Variants in GLRA2 observed in about 807,000 individuals in gnomAD.
The protein encoded by GLRA2 is glycine receptor subunit alpha-2.
Under a neutral mutation model 31.6 loss-of-function variants are expected in GLRA2, and 11 were observed. The ratio of observed to expected loss-of-function variants is 0.35; its 90% CI spans 0.22 to 0.58. GLRA2 has a LOEUF of 0.58. Among genes scored for constraint, GLRA2 ranks in the 20% least tolerant of loss-of-function variants. The pLI, the probability that GLRA2 is intolerant of heterozygous loss-of-function variation, is 0.84. For missense variants in GLRA2, 212 were observed against 351.8 expected (o/e 0.60, Z 3.18); for synonymous variants, 132 against 134.0 (o/e 0.99, Z 0.10).
At position 14,730,525 on chromosome X, in the gene GLRA2, T is replaced by C. The variant is rs910485251; in HGVS notation, c.*40T>C. 1.9e-6 allele frequency: 2 copies of C among 1,039,916 alleles called. No homozygotes were observed. Among genetic ancestry groups the C allele is most frequent in the African/African-American group, 4.0e-5 (2 of 49,790 alleles). The allele number at this position is 1,039,916 out of a possible 1,213,427, so 85.7% of individuals were successfully genotyped here. On this transcript the variant is annotated 3_prime_UTR_variant, in exon 9 of 9. Coordinates refer to ENST00000218075, the MANE Select transcript of GLRA2 (RefSeq NM_002063.4). ...CCCTGGGACCTTCTTGCCTCAGTGT[T>C]GTGCTTGTAAATACACAGTGAAATT...
the GLRA2 span, among the ~76,000 whole-genome samples, chrX:14,498,353 T>C: frequency 9.0e-6 from 1 of 111,594 alleles, no homozygotes. Flanking sequence ...AAGGAAAATG[T>C]AACATTTATT....
chrX:14,644,336 A>T (rs1459911471), intron 7 of GLRA2, among the ~76,000 whole-genome samples: 1 of 112,196 alleles, frequency 8.9e-6, no homozygotes, highest in Admixed American at 9.5e-5. Flanking sequence ...CTAGTGGGAT[A>T]GTCGAATGAA....
At chrX:14,510,136 C>G in the GLRA2 span, among the ~76,000 whole-genome samples, 5 of 111,346 alleles carry the variant, frequency 4.5e-5, no homozygotes, top group Non-Finnish European at 9.4e-5. Context: ...GGGAAGAAAA[C>G]TAGGGATGGT....
Position 14,731,729 on chromosome X carries a change from A to C in GLRA2, c.*1244A>C, listed in dbSNP as rs1416726301. ...GATAAAAGACAACCTGTAAAAATAT[A>C]ATAATTAAATTTTACATGTGCTGTA... On this transcript the variant is annotated 3_prime_UTR_variant, in exon 9 of 9. Coordinates refer to ENST00000218075, the MANE Select transcript of GLRA2 (RefSeq NM_002063.4). The C allele has an allele frequency of 1.8e-5, 2 of 112,052 alleles. No homozygotes were observed. The highest frequency in any genetic ancestry group is 3.8e-5 in the Non-Finnish European group (2 of 53,217). 9.2% of individuals were successfully genotyped at this position (112,052 alleles called of 1,213,427 possible).
chrX:14,705,310 G>T (rs1318253585), intron 8 of GLRA2, among the ~76,000 whole-genome samples: 1 of 111,622 alleles, frequency 9.0e-6, no homozygotes, highest in Non-Finnish European at 1.9e-5. Context: ...TCTCAGCCAG[G>T]AGCTATTTTT....
chrX:14,711,658 A>C (rs2091711724), intron 8 of GLRA2, among the ~76,000 whole-genome samples: 1 of 112,224 alleles, frequency 8.9e-6, no homozygotes, highest in South Asian at 3.7e-4. Flanking sequence ...TTTAATGTAC[A>C]TTTCCCTGAA....
At position 14,573,786 on chromosome X, in the gene GLRA2, A is replaced by G. The variant is rs185002602; in HGVS notation, c.203-547A>G. Among the ~76,000 whole-genome samples the G allele has an allele frequency of 3.0e-3, 336 of 110,575 alleles. 2 individuals carry two copies. Among genetic ancestry groups the G allele is most frequent in the Middle Eastern group, 4.6e-3 (1 of 217 alleles). ...GTCTTAAGTTAATTTTGTTTGTTAT[A>G]TTTCTGTACATCATTTCTCATTGGT... On this transcript the variant is annotated intron_variant, in intron 2 of 8. Coordinates refer to ENST00000218075, the MANE Select transcript of GLRA2 (RefSeq NM_002063.4).
At chrX:14,710,149 G>A (rs1023090371) in intron 8 of GLRA2, among the ~76,000 whole-genome samples, 1 of 111,535 alleles carries the variant, frequency 9.0e-6, no homozygotes, top group African/African-American at 3.3e-5. Flanking sequence ...GGAAGACATC[G>A]AGGGCCAGAC....
chrX:14,594,347 G>A (rs182835124), intron 4 of GLRA2, among the ~76,000 whole-genome samples: 16 of 110,894 alleles, frequency 1.4e-4, no homozygotes, highest in African/African-American at 3.6e-4. Flanking sequence ...TCAGTGCCAC[G>A]ATTAAATAGC....
intron 7 of GLRA2, among the ~76,000 whole-genome samples, chrX:14,681,913 A>ATATATATATATATATATATATATATATG (rs1181280207): frequency 1.5e-3 from 90 of 59,676 alleles, no homozygotes; most frequent in Non-Finnish European, 2.5e-3. Flanking sequence ...AAAAAAAAAT[A>ATATATATATATATATATATATATATATG]TATATATATA....
chrX:14,610,584 C>T (rs183605385), intron 7 of GLRA2, among the ~76,000 whole-genome samples: 86 of 111,542 alleles, frequency 7.7e-4, no homozygotes, highest in African/African-American at 2.6e-3. Flanking sequence ...CACTCTGTGC[C>T]CCTCCCAAAC....
chrX:14,489,585 G>T, the GLRA2 span, among the ~76,000 whole-genome samples: 1 of 112,127 alleles, frequency 8.9e-6, no homozygotes, highest in South Asian at 3.7e-4. Flanking sequence ...GAAGAGGAGG[G>T]GCCAGGCTTC....
chrX:14,535,544 G>C (rs1347582539), intron 2 of GLRA2, among the ~76,000 whole-genome samples: 2 of 112,417 alleles, frequency 1.8e-5, no homozygotes, highest in Non-Finnish European at 3.8e-5. Context: ...ACAAAGTCAT[G>C]AGTCAGAGTT....
chrX:14,708,799 G>A (rs1396151973), intron 8 of GLRA2, among the ~76,000 whole-genome samples: 1 of 111,414 alleles, frequency 9.0e-6, no homozygotes, highest in African/African-American at 3.3e-5. Context: ...AGCCGGGCAC[G>A]GTGGCTCATG....
the GLRA2 span, among the ~76,000 whole-genome samples, chrX:14,513,617 C>T: frequency 9.0e-6 from 1 of 111,477 alleles, no homozygotes; most frequent in African/African-American, 3.3e-5. Flanking sequence ...CATGAATAGA[C>T]AATTCTCAAA....
intron 7 of GLRA2, among the ~76,000 whole-genome samples, chrX:14,621,921 C>G (rs976581976): frequency 2.7e-5 from 3 of 111,973 alleles, no homozygotes; most frequent in Non-Finnish European, 3.8e-5. Flanking sequence ...GTTCTAGATC[C>G]TTGAGGAATC....
At chrX:14,559,980 C>T (rs1193922017) in intron 2 of GLRA2, among the ~76,000 whole-genome samples, 3 of 111,590 alleles carry the variant, frequency 2.7e-5, no homozygotes, top group Admixed American at 9.5e-5. Flanking sequence ...CTTTCATGGG[C>T]ATCAAAGCAC....
At chrX:14,709,263 C>T (rs2091678301) in intron 8 of GLRA2, among the ~76,000 whole-genome samples, 1 of 111,073 alleles carries the variant, frequency 9.0e-6, no homozygotes, top group African/African-American at 3.3e-5. Context: ...GGGCTACAGA[C>T]CCCCCATCAT....
intron 8 of GLRA2, among the ~76,000 whole-genome samples, chrX:14,721,650 C>T (rs1167479580): frequency 9.0e-6 from 1 of 111,103 alleles, no homozygotes; most frequent in Admixed American, 9.6e-5. Flanking sequence ...TCGTACAGTC[C>T]CACCCTGTAT....
Sources: allele counts gnomAD v4.1 joint callset (sites outside exome capture counted in the v4.1 genomes callset), GRCh38; gene constraint gnomAD v4.1.1; transcripts MANE v1.5; gene names NCBI Gene and HGNC (gene_info 2026-07-23, HGNC 2026-07-21).